The following SPAG16 variants were observed in gnomAD, a reference collection of about 807,000 sequenced individuals.
SPAG16 encodes sperm-associated antigen 16 protein.
In SPAG16, 86 loss-of-function variants were observed where a neutral mutation model predicts 80.4. The ratio of observed to expected loss-of-function variants is 1.07; its 90% CI spans 0.90 to 1.28. The LOEUF (loss-of-function observed/expected upper bound fraction) is 1.28, where lower values mean the gene tolerates loss of function less well. SPAG16 is among the 50% of genes most tolerant of loss of function. The probability of loss-of-function intolerance (pLI) is 0.00; values close to 1 mark genes in which losing one functional copy is unlikely to be tolerated. For missense variants in SPAG16, 870 were observed against 765.3 expected (o/e 1.14, Z -1.61); for synonymous variants, 294 against 265.9 (o/e 1.11, Z -1.03).
chr2:213,678,869 C>A (rs1056405131), intron 10 of SPAG16, among the ~76,000 whole-genome samples: 3 of 152,124 alleles, frequency 2.0e-5, no homozygotes, highest in African/African-American at 7.2e-5. Context: ...CTACTCTTAC[C>A]GTTTTGCCCC....
At position 213,540,995 on chromosome 2, in the gene SPAG16, A is replaced by G. The variant is rs112123933; in HGVS notation, c.1070+50905A>G. Among the ~76,000 whole-genome samples, 120 of 152,378 alleles carry G rather than the reference A, an allele frequency of 7.9e-4. 2 individuals carry two copies. Among genetic ancestry groups the G allele is most frequent in the Middle Eastern group, 3.4e-3 (1 of 294 alleles). ...TGCGTGTGCACGCAGGTGCACTCGT[A>G]GAGTTACAAGTAAAGACTAGAGGGG... On this transcript the variant is annotated intron_variant, in intron 10 of 15. Transcript: ENST00000331683.
At chr2:213,821,617 T>G (rs1326469737) in intron 10 of SPAG16, among the ~76,000 whole-genome samples, 1 of 152,194 alleles carries the variant, frequency 6.6e-6, no homozygotes, top group Non-Finnish European at 1.5e-5. Context: ...TTGACTGTAG[T>G]CACCATGTTG....
At chr2:213,959,472 A>C (rs972722713) in intron 12 of SPAG16, among the ~76,000 whole-genome samples, 7 of 152,040 alleles carry the variant, frequency 4.6e-5, no homozygotes, top group Non-Finnish European at 1.0e-4. Flanking sequence ...AGTGACCCAA[A>C]CCCTAACACA....
At chr2:213,882,013 CT>C (rs904271328) in intron 11 of SPAG16, among the ~76,000 whole-genome samples, 32 of 152,028 alleles carry the variant, frequency 2.1e-4, no homozygotes, top group Non-Finnish European at 7.4e-5. Context: ...CCTTTGATGC[CT>C]TGTCTTTTGA....
chr2:213,463,866 T>C (rs1015639459), intron 9 of SPAG16, among the ~76,000 whole-genome samples: 1 of 152,220 alleles, frequency 6.6e-6, no homozygotes. Flanking sequence ...TCCCAGCAGC[T>C]TCTTCACTCC....
At chr2:213,304,873 A>G (rs1051265184) in intron 3 of SPAG16, among the ~76,000 whole-genome samples, 1 of 152,128 alleles carries the variant, frequency 6.6e-6, no homozygotes, top group African/African-American at 2.4e-5. Flanking sequence ...GGTTCCATAT[A>G]AATTGTAGGA....
At chr2:213,960,246 T>C (rs558918722) in intron 12 of SPAG16, among the ~76,000 whole-genome samples, 1 of 152,292 alleles carries the variant, frequency 6.6e-6, no homozygotes, top group African/African-American at 2.4e-5. Context: ...GATATTTCCA[T>C]TGTGTTCAAC....
intron 10 of SPAG16, among the ~76,000 whole-genome samples, chr2:213,552,821 C>T (rs945899910): frequency 6.6e-6 from 1 of 152,146 alleles, no homozygotes; most frequent in Non-Finnish European, 1.5e-5. Context: ...GGCAGAGGAA[C>T]GTGGAAGGAC....
chr2:214,046,920 A>G (rs879907464), intron 13 of SPAG16, among the ~76,000 whole-genome samples: 5 of 151,790 alleles, frequency 3.3e-5, no homozygotes, highest in Non-Finnish European at 7.4e-5. Flanking sequence ...AAAAAAAACA[A>G]TTTAGCAATC....
intron 9 of SPAG16, among the ~76,000 whole-genome samples, chr2:213,411,692 G>C (rs2068973644): frequency 6.6e-6 from 1 of 152,168 alleles, no homozygotes; most frequent in South Asian, 2.1e-4. Flanking sequence ...TAAATGGAAA[G>C]GAATAATAGC....
At chr2:214,216,567 G>A (rs948892651) in intron 15 of SPAG16, among the ~76,000 whole-genome samples, 5 of 152,112 alleles carry the variant, frequency 3.3e-5, no homozygotes, top group Non-Finnish European at 7.4e-5. Context: ...TGATCTGCCC[G>A]CCTCGGCCTC....
intron 14 of SPAG16, among the ~76,000 whole-genome samples, chr2:214,128,281 A>G (rs1301770886): frequency 6.6e-6 from 1 of 151,844 alleles, no homozygotes; most frequent in East Asian, 1.9e-4. Flanking sequence ...TGGCCACATT[A>G]ATTGTGCATA....
intron 10 of SPAG16, among the ~76,000 whole-genome samples, chr2:213,775,575 A>G (rs2069522333): frequency 6.6e-6 from 1 of 152,178 alleles, no homozygotes; most frequent in African/African-American, 2.4e-5. Flanking sequence ...GATCTTCAGG[A>G]CTTATTCATC....
intron 12 of SPAG16, among the ~76,000 whole-genome samples, chr2:213,992,703 A>T (rs1298572059): frequency 6.6e-6 from 1 of 152,206 alleles, no homozygotes; most frequent in Non-Finnish European, 1.5e-5. Context: ...AGCTGAACAA[A>T]ATACATGCTA....
At chr2:213,939,589 C>T in intron 12 of SPAG16, among the ~76,000 whole-genome samples, 1 of 152,132 alleles carries the variant, frequency 6.6e-6, no homozygotes, top group East Asian at 1.9e-4. Flanking sequence ...TTTGTTTTCA[C>T]TTGCATTAGG....
chr2:213,828,743 G>C (rs1193606850), intron 10 of SPAG16, among the ~76,000 whole-genome samples: 2 of 152,206 alleles, frequency 1.3e-5, no homozygotes, highest in African/African-American at 4.8e-5. Flanking sequence ...ATCTGCATTA[G>C]GGAGTACCCA....
intron 15 of SPAG16, among the ~76,000 whole-genome samples, chr2:214,193,003 T>A (rs943664021): frequency 1.3e-5 from 2 of 151,994 alleles, no homozygotes; most frequent in African/African-American, 4.8e-5. Context: ...TTAGCTCAAG[T>A]CTGTTGTCAG....
At chr2:213,854,381 T>A (rs2075055508) in intron 10 of SPAG16, among the ~76,000 whole-genome samples, 1 of 152,192 alleles carries the variant, frequency 6.6e-6, no homozygotes, top group Non-Finnish European at 1.5e-5. Flanking sequence ...TTCAGATAAT[T>A]GTTCTAAGTA....
chr2:213,592,583 A>G (rs2124929046), intron 10 of SPAG16, among the ~76,000 whole-genome samples: 1 of 152,320 alleles, frequency 6.6e-6, no homozygotes, highest in East Asian at 1.9e-4. Flanking sequence ...ACAATCTAGT[A>G]ATAGACTAGA....
Sources: gnomAD v4.1 joint callset for allele counts (sites outside exome capture counted in the v4.1 genomes callset) on GRCh38, gnomAD v4.1.1 for gene constraint, MANE v1.5 for transcripts, NCBI Gene and HGNC (gene_info 2026-07-23, HGNC 2026-07-21) for gene names.